The following RETREG1 variants were observed in gnomAD, a reference collection of about 807,000 sequenced individuals.
RETREG1 encodes reticulophagy regulator 1.
Under a neutral mutation model 54.8 loss-of-function variants are expected in RETREG1, and 44 were observed. The observed-to-expected ratio is 0.80, with a 90% CI of 0.63 to 1.03. The LOEUF (loss-of-function observed/expected upper bound fraction) is 1.03. RETREG1 is among the 50% of genes least tolerant of loss of function. The pLI is 0.00. For synonymous variants in RETREG1, 217 were observed against 238.5 expected, an observed-to-expected ratio of 0.91 and a Z score of 0.83; for missense variants, 554 against 605.1, an observed-to-expected ratio of 0.92 and a Z score of 0.89.
intron 3 of RETREG1, among the ~76,000 whole-genome samples, chr5:16,539,190 AG>A (rs2126604440): frequency 6.6e-6 from 1 of 152,244 alleles, no homozygotes; most frequent in South Asian, 2.1e-4. Context: ...ACATCCATAA[AG>A]GGGGCCACCC....
rs1214529471 is a variant in RETREG1, at chr5:16,486,980, T to C, written c.459-3508A>G. ...TCTAGGTTTTCCCAGAGAGCCTTAT[T>C]TGGAAAACACATAACTAGAAAAAAG... On this transcript the variant is annotated intron_variant, in intron 3 of 8. Transcript: ENST00000306320. Among the ~76,000 whole-genome samples the C allele has an allele frequency of 2.0e-5, 3 of 152,152 alleles. No individual in the cohort carries two copies. The East Asian group carries it at 5.8e-4, about 29-fold the overall frequency.
At position 16,520,343 on chromosome 5, in the gene RETREG1, T is replaced by G. The variant is rs796737816; in HGVS notation, c.459-36871A>C. Among the ~76,000 whole-genome samples, 21 of 149,330 alleles carry G rather than the reference T, an allele frequency of 1.4e-4. No homozygotes were observed. The East Asian group carries it at 2.4e-3, about 17-fold the overall frequency. On this transcript the variant is annotated intron_variant, in intron 3 of 8. Coordinates refer to ENST00000306320, the MANE Select transcript of RETREG1 (RefSeq NM_001034850.3). ...TTTTTTTTTTGTTGTTGTTGTTGTT[T>G]TTTGAGACAGAGTCTTGCTCTTGTC... is the stretch of plus-strand genomic sequence containing the variant.
chr5:16,567,534 T>A (rs1162233587), intron 2 of RETREG1, among the ~76,000 whole-genome samples: 1 of 152,122 alleles, frequency 6.6e-6, no homozygotes, highest in Non-Finnish European at 1.5e-5. Flanking sequence ...ATGGACAGTG[T>A]AGATTTCACA....
intron 3 of RETREG1, among the ~76,000 whole-genome samples, chr5:16,511,893 C>T (rs1362750858): frequency 1.3e-5 from 2 of 152,084 alleles, no homozygotes; most frequent in Non-Finnish European, 2.9e-5. Context: ...ACTCCACCCC[C>T]ATGATCCCCC....
intron 3 of RETREG1, among the ~76,000 whole-genome samples, chr5:16,558,878 T>A (rs1375848372): frequency 6.6e-6 from 1 of 152,238 alleles, no homozygotes; most frequent in South Asian, 2.1e-4. Context: ...GATAAAGATA[T>A]GAGTCATAAA....
chr5:16,558,124 A>G (rs1375535101), intron 3 of RETREG1, among the ~76,000 whole-genome samples: 1 of 152,212 alleles, frequency 6.6e-6, no homozygotes, highest in Non-Finnish European at 1.5e-5. Flanking sequence ...GCTGAGTGTG[A>G]TGGTGCATGA....
chr5:16,611,518 C>A (rs568090867), intron 1 of RETREG1, among the ~76,000 whole-genome samples: 3 of 152,298 alleles, frequency 2.0e-5, no homozygotes, highest in African/African-American at 7.2e-5. Context: ...GGAAACGGAC[C>A]TTTCACTCCA....
intron 3 of RETREG1, among the ~76,000 whole-genome samples, chr5:16,530,159 T>A (rs1740870338): frequency 6.6e-6 from 1 of 152,222 alleles, no homozygotes; most frequent in African/African-American, 2.4e-5. Flanking sequence ...AGGCCTCTTG[T>A]CTGTTTCCAA....
chr5:16,526,636 C>CA (rs1740723973), intron 3 of RETREG1, among the ~76,000 whole-genome samples: 1 of 152,172 alleles, frequency 6.6e-6, no homozygotes. Flanking sequence ...TTTTGTTTAA[C>CA]AAATACATGT....
chr5:16,538,933 T>C (rs1357627353), intron 3 of RETREG1, among the ~76,000 whole-genome samples: 1 of 152,212 alleles, frequency 6.6e-6, no homozygotes, highest in East Asian at 1.9e-4. Flanking sequence ...CTCGATCTCC[T>C]GACCTCATGA....
intron 1 of RETREG1, among the ~76,000 whole-genome samples, chr5:16,610,969 C>T (rs189066841): frequency 2.0e-3 from 309 of 152,248 alleles, no homozygotes; most frequent in South Asian, 3.3e-3. Flanking sequence ...ATGTTTATTG[C>T]GGCACTATTC....
chr5:16,527,351 T>C lies in RETREG1; in HGVS notation c.458+38412A>G, dbSNP rs370091213. Among the ~76,000 whole-genome samples the C allele has an allele frequency of 2.1e-3, 318 of 152,330 alleles. 2 individuals are homozygous for C. The highest frequency in any genetic ancestry group is 2.6e-3 in the Non-Finnish European group (178 of 68,024). ...GCTGTGTGCAATTGAAATTTCACCTTATACATCTGAACACAAGGCAAAGTT... is the reference window on the plus strand; with the variant it reads ...GCTGTGTGCAATTGAAATTTCACCTCATACATCTGAACACAAGGCAAAGTT... On this transcript the variant is annotated intron_variant, in intron 3 of 8. Transcript: ENST00000306320.
At chr5:16,590,325 C>A (rs1477526785) in intron 1 of RETREG1, among the ~76,000 whole-genome samples, 1 of 152,158 alleles carries the variant, frequency 6.6e-6, no homozygotes, top group Admixed American at 6.5e-5. Flanking sequence ...CAAAAAAGCC[C>A]AGAGGCTACG....
chr5:16,581,892 G>A (rs1477454027), intron 1 of RETREG1, among the ~76,000 whole-genome samples: 4 of 152,136 alleles, frequency 2.6e-5, no homozygotes, highest in Admixed American at 2.6e-4. Flanking sequence ...GTGCAGGTTT[G>A]TTACATAGGT....
chr5:16,594,458 C>G lies in RETREG1; in HGVS notation c.320+22194G>C, dbSNP rs930096264. Among the ~76,000 whole-genome samples, 2 of 152,238 alleles carry G rather than the reference C, an allele frequency of 1.3e-5. 1 individual carries two copies. The highest frequency in any genetic ancestry group is 1.3e-4 in the Admixed American group (2 of 15,300). On this transcript the variant is annotated intron_variant, in intron 1 of 8. Coordinates refer to ENST00000306320, the MANE Select transcript of RETREG1 (RefSeq NM_001034850.3). This position sits in a 1 kb window ranked among gnomAD's most constrained non-coding sequence, Gnocchi z 4.4. ...AGCATTTTTCAGTTGGGCGTGGTGG[C>G]TCACACCTATAATCCGTGCACTTTG...
intron 8 of RETREG1, among the ~76,000 whole-genome samples, chr5:16,476,334 CCCT>C (rs1738536804): frequency 1.3e-5 from 2 of 152,134 alleles, no homozygotes; most frequent in Admixed American, 1.3e-4. Context: ...AGTTCATTCA[CCCT>C]CCTCCTTTAT....
intron 3 of RETREG1, among the ~76,000 whole-genome samples, chr5:16,503,525 T>C (rs898126165): frequency 6.6e-6 from 1 of 151,704 alleles, no homozygotes; most frequent in Non-Finnish European, 1.5e-5. Flanking sequence ...AAAAATTAGC[T>C]GGGCGTGGTG....
intron 3 of RETREG1, among the ~76,000 whole-genome samples, chr5:16,535,903 C>T (rs1216552181): frequency 6.9e-6 from 1 of 145,440 alleles, no homozygotes; most frequent in Non-Finnish European, 1.5e-5. Context: ...GCTGCCTTCA[C>T]AAAGTGGGAG....
chr5:16,602,754 T>C (rs1316456308), intron 1 of RETREG1, among the ~76,000 whole-genome samples: 14 of 152,106 alleles, frequency 9.2e-5, no homozygotes, highest in Admixed American at 5.9e-4. Context: ...ATGCCTGTAA[T>C]CCCAGCACTT....
Sources: gnomAD v4.1 joint callset for allele counts (sites outside exome capture counted in the v4.1 genomes callset) on GRCh38, gnomAD v4.1.1 for gene constraint, Gnocchi (gnomAD v3.1) non-coding constraint, MANE v1.5 for transcripts, NCBI Gene and HGNC (gene_info 2026-07-23, HGNC 2026-07-21) for gene names.